Variants in RIMS2 observed in about 807,000 individuals in gnomAD.
RIMS2 encodes the protein regulating synaptic membrane exocytosis protein 2.
Under a neutral mutation model 174.4 loss-of-function variants are expected in RIMS2, and 59 were observed. That is an observed-to-expected ratio of 0.34 (90% CI 0.27 to 0.42). The LOEUF is 0.42. RIMS2 is among the 10% of genes least tolerant of loss of function. The probability of loss-of-function intolerance (pLI) is 1.00; values close to 1 mark genes in which losing one functional copy is unlikely to be tolerated. For missense variants in RIMS2, 1,620 were observed against 1,666.3 expected (o/e 0.97, Z 0.48); for synonymous variants, 606 against 572.5 (o/e 1.06, Z -0.84).
chr8:104,080,272 C>A (rs1461163480), intron 19 of RIMS2, among the ~76,000 whole-genome samples: 1 of 151,986 alleles, frequency 6.6e-6, no homozygotes, highest in African/African-American at 2.4e-5. Context: ...ATTGAAAAGA[C>A]CACTATGAAT....
intron 19 of RIMS2, among the ~76,000 whole-genome samples, chr8:104,171,817 T>A (rs1230799859): frequency 2.0e-5 from 3 of 152,220 alleles, no homozygotes; most frequent in Non-Finnish European, 2.9e-5. Flanking sequence ...CTGTGTTTTT[T>A]AAATTTCTTT....
intron 2 of RIMS2, among the ~76,000 whole-genome samples, chr8:103,737,515 C>G (rs1204196173): frequency 6.8e-6 from 1 of 146,932 alleles, no homozygotes. Context: ...GGTCTCTTTG[C>G]TTCTTTCCTC....
chr8:104,005,866 G>T (rs2095556582), intron 17 of RIMS2, among the ~76,000 whole-genome samples: 1 of 151,894 alleles, frequency 6.6e-6, no homozygotes, highest in African/African-American at 2.4e-5. Flanking sequence ...AAAGGATTCT[G>T]ACAAAGCTAG....
intron 17 of RIMS2, among the ~76,000 whole-genome samples, chr8:104,002,712 A>T (rs1406422772): frequency 2.0e-5 from 3 of 152,188 alleles, no homozygotes; most frequent in African/African-American, 7.2e-5. Context: ...TAAATTTAAC[A>T]TGGCATCCCC....
rs148452323 is a variant in RIMS2 at position 103,939,435 on chromosome 8, T to C, written c.2547+2713T>C. Reference sequence around the variant, plus strand: ...GATGCACATCACCAAGTCCCTATACTTGGTGTCACAGCACAGGGACCGTGG... The same window carrying C: ...GATGCACATCACCAAGTCCCTATACCTGGTGTCACAGCACAGGGACCGTGG... On this transcript the variant is annotated intron_variant, in intron 13 of 23. Coordinates refer to ENST00000504942, the Ensembl canonical transcript of RIMS2. 3.1e-3 allele frequency among the ~76,000 whole-genome samples: 478 copies of C among 152,154 alleles called. 2 individuals are homozygous for C. Among genetic ancestry groups the C allele is most frequent in the Non-Finnish European group, 4.6e-3 (312 of 68,014 alleles).
chr8:103,970,868 G>A (rs556341488), intron 15 of RIMS2, among the ~76,000 whole-genome samples: 18 of 152,282 alleles, frequency 1.2e-4, no homozygotes, highest in Non-Finnish European at 2.1e-4. Context: ...GAAACTAGAA[G>A]TTCCTCCATG....
intron 1 of RIMS2, among the ~76,000 whole-genome samples, chr8:103,626,689 TGAGAAATAAA>T (rs1347422870): frequency 6.6e-6 from 1 of 152,140 alleles, no homozygotes; most frequent in African/African-American, 2.4e-5. Context: ...TCAGCTGGTC[TGAGAAATAAA>T]GAGAAAGAGT....
intron 1 of RIMS2, among the ~76,000 whole-genome samples, chr8:103,687,380 A>G (rs1490164476): frequency 6.7e-6 from 1 of 150,324 alleles, no homozygotes; most frequent in Non-Finnish European, 1.5e-5. Context: ...TTTTTTTCTT[A>G]AATGCTTTTT....
At chr8:103,706,955 T>C (rs945065683) in intron 2 of RIMS2, among the ~76,000 whole-genome samples, 1 of 152,218 alleles carries the variant, frequency 6.6e-6, no homozygotes, top group Non-Finnish European at 1.5e-5. Flanking sequence ...TTCTAGATCA[T>C]GTAAGTGTAC....
intron 3 of RIMS2, among the ~76,000 whole-genome samples, chr8:103,787,622 G>A (rs200914704): frequency 1.3e-5 from 2 of 151,952 alleles, no homozygotes; most frequent in Non-Finnish European, 2.9e-5. Context: ...TTGCTTGTAG[G>A]GTTTCTGCCG....
At chr8:103,750,339 A>G (rs1323724184) in intron 2 of RIMS2, among the ~76,000 whole-genome samples, 1 of 152,182 alleles carries the variant, frequency 6.6e-6, no homozygotes, top group African/African-American at 2.4e-5. Context: ...AACAAGACAT[A>G]AATACAAATA....
At chr8:103,672,480 A>T (rs559452656) in intron 1 of RIMS2, among the ~76,000 whole-genome samples, 113 of 152,034 alleles carry the variant, frequency 7.4e-4, no homozygotes, top group African/African-American at 2.6e-3. Context: ...GGGAGGCCCC[A>T]GGAAGCTTAC....
intron 19 of RIMS2, among the ~76,000 whole-genome samples, chr8:104,082,204 G>A (rs1235686967): frequency 1.3e-5 from 2 of 151,864 alleles, no homozygotes; most frequent in Non-Finnish European, 2.9e-5. Flanking sequence ...AGGGGATGAA[G>A]AGAGGGGAAA....
chr8:103,857,852 C>A (rs2099036484), intron 3 of RIMS2, among the ~76,000 whole-genome samples: 1 of 152,182 alleles, frequency 6.6e-6, no homozygotes, highest in Admixed American at 6.5e-5. Flanking sequence ...GCAAAAAGCT[C>A]ATCTTTTCAT....
intron 2 of RIMS2, among the ~76,000 whole-genome samples, chr8:103,713,418 A>G (rs991298882): frequency 5.3e-5 from 8 of 149,806 alleles, no homozygotes; most frequent in Admixed American, 4.6e-4. Context: ...CTATTGCTGG[A>G]AGAACCCACA....
At chr8:103,576,770 A>G (rs1004112960) in intron 1 of RIMS2, among the ~76,000 whole-genome samples, 1 of 152,144 alleles carries the variant, frequency 6.6e-6, no homozygotes, top group African/African-American at 2.4e-5. Context: ...AAATAACATC[A>G]CACTTCTACA....
intron 1 of RIMS2, among the ~76,000 whole-genome samples, chr8:103,590,196 A>G (rs1253347824): frequency 1.3e-5 from 2 of 151,402 alleles, no homozygotes; most frequent in Non-Finnish European, 3.0e-5. Flanking sequence ...TGTATCCCAT[A>G]AATATATACA....
At chr8:104,134,499 C>G (rs2098502137) in intron 19 of RIMS2, among the ~76,000 whole-genome samples, 1 of 152,126 alleles carries the variant, frequency 6.6e-6, no homozygotes, top group African/African-American at 2.4e-5. Context: ...GAAAGCTCTG[C>G]TTTTGTCTGC....
chr8:104,040,117 T>C (rs1158323536), intron 19 of RIMS2, among the ~76,000 whole-genome samples: 2 of 151,712 alleles, frequency 1.3e-5, no homozygotes, highest in Non-Finnish European at 3.0e-5. Flanking sequence ...ACTATTCATA[T>C]AAAGAGACAA....
Sources: allele counts gnomAD v4.1 joint callset (sites outside exome capture counted in the v4.1 genomes callset), GRCh38; gene constraint gnomAD v4.1.1; transcripts MANE v1.5; gene names NCBI Gene and HGNC (gene_info 2026-07-23, HGNC 2026-07-21).